The following WWP1 variants were observed in gnomAD, a reference collection of about 807,000 sequenced individuals.
WWP1 encodes the protein WW domain containing E3 ubiquitin protein ligase 1.
A neutral mutation model predicts 130.6 loss-of-function variants in WWP1; 49 were observed. The observed-to-expected ratio is 0.38, with a 90% CI of 0.30 to 0.48. WWP1 has a LOEUF of 0.48. Ranked by LOEUF, WWP1 falls within the 20% of genes least tolerant of loss-of-function variation. WWP1 has a pLI of 0.99. For missense variants in WWP1, 809 were observed against 1,100.6 expected, an observed-to-expected ratio of 0.74 and a Z score of 3.75; for synonymous variants, 332 against 367.8, an observed-to-expected ratio of 0.90 and a Z score of 1.11.
At chr8:86,443,335 A>T (rs1810694501) in intron 18 of WWP1, among the ~76,000 whole-genome samples, 1 of 152,144 alleles carries the variant, frequency 6.6e-6, no homozygotes, top group African/African-American at 2.4e-5. Flanking sequence ...CGGCCTCCCA[A>T]AGTGCTCAGA....
chr8:86,408,501 C>T (rs945847296), intron 8 of WWP1, among the ~76,000 whole-genome samples: 8 of 152,288 alleles, frequency 5.3e-5, no homozygotes, highest in Admixed American at 5.2e-4. Context: ...TTGCATCTCA[C>T]CAACATTTGC....
At chr8:86,407,125 TG>T (rs1808324122) in intron 8 of WWP1, among the ~76,000 whole-genome samples, 1 of 152,188 alleles carries the variant, frequency 6.6e-6, no homozygotes, top group African/African-American at 2.4e-5. Flanking sequence ...TTATGTCTTG[TG>T]GAGATGAGAT....
chr8:86,381,727 A>G (rs1457885829), intron 5 of WWP1, 98 bp downstream of exon 5: 3 of 1,224,506 alleles, frequency 2.4e-6, no homozygotes, highest in Non-Finnish European at 3.2e-6. Flanking sequence ...TTTTGTATCC[A>G]TAAAGAACTT....
intron 18 of WWP1, among the ~76,000 whole-genome samples, chr8:86,447,265 G>C (rs1291373987): frequency 6.6e-6 from 1 of 152,014 alleles, no homozygotes; most frequent in African/African-American, 2.4e-5. Context: ...TTTGAAGGGA[G>C]TTATTTTATT....
In WWP1 at chr8:86,418,109, A is replaced by T. The variant is rs181621505; in HGVS notation, c.1061+6235A>T. On this transcript the variant is annotated intron_variant, in intron 9 of 24. Coordinates refer to ENST00000517970, the MANE Select transcript of WWP1 (RefSeq NM_007013.4). ...TGTATATAGTTTTTCAGTTGCTTTT[A>T]AAAAAAAACTTAGTCATATTTCCAC... Among the ~76,000 whole-genome samples, 263 of 151,820 alleles carry T rather than the reference A, an allele frequency of 1.7e-3. 3 individuals are homozygous for T. Among genetic ancestry groups the T allele is most frequent in the African/African-American group, 6.1e-3 (253 of 41,382 alleles).
intron 18 of WWP1, among the ~76,000 whole-genome samples, chr8:86,444,057 G>A (rs1209278712): frequency 6.6e-6 from 1 of 152,142 alleles, no homozygotes; most frequent in Non-Finnish European, 1.5e-5. Context: ...ATAATTGGGG[G>A]CATAGGAAAA....
chr8:86,370,735 C>G (rs954286445), intron 2 of WWP1, among the ~76,000 whole-genome samples: 5 of 151,730 alleles, frequency 3.3e-5, no homozygotes, highest in African/African-American at 4.8e-5. Context: ...AATGTTAAAT[C>G]TTGGAGACAG....
chr8:86,403,741 TA>T (rs1015260129), intron 8 of WWP1, among the ~76,000 whole-genome samples: 602 of 141,970 alleles, frequency 4.2e-3, no homozygotes, highest in Non-Finnish European at 4.3e-3. Flanking sequence ...ATGCTCCCCT[TA>T]AAAAAAAAAA....
Position 86,414,217 on chromosome 8 carries a change from G to A in WWP1, c.1061+2343G>A, listed in dbSNP as rs118090391. 3.3e-3 allele frequency among the ~76,000 whole-genome samples: 389 copies of A among 116,464 alleles called. 5 individuals carry two copies. The East Asian group carries it at 0.068, about 20-fold the overall frequency. 76.4% of individuals were successfully genotyped at this position (116,464 alleles called of 152,430 possible). ...TAAGAATAAGCATTGTTTCCTGAAAGTTTGTTTTTCTGTGTGTGTGTGTGT... is the reference window on the plus strand; with the variant it reads ...TAAGAATAAGCATTGTTTCCTGAAAATTTGTTTTTCTGTGTGTGTGTGTGT... On this transcript the variant is annotated intron_variant, in intron 9 of 24. Transcript: ENST00000517970.
At chr8:86,392,300 A>G (rs1271836384) in intron 5 of WWP1, among the ~76,000 whole-genome samples, 1 of 152,254 alleles carries the variant, frequency 6.6e-6, no homozygotes, top group Non-Finnish European at 1.5e-5. Context: ...GGTGAAAACC[A>G]TAGAAATAGT....
chr8:86,353,919 C>T (rs752983180), intron 1 of WWP1, among the ~76,000 whole-genome samples: 1 of 152,146 alleles, frequency 6.6e-6, no homozygotes, highest in Non-Finnish European at 1.5e-5. Context: ...CCGAACAGAA[C>T]GTATATATTA....
At chr8:86,406,214 G>A (rs563516016) in intron 8 of WWP1, among the ~76,000 whole-genome samples, 1 of 152,122 alleles carries the variant, frequency 6.6e-6, no homozygotes, top group Non-Finnish European at 1.5e-5. Context: ...TATGAAAAGA[G>A]GATAATATGC....
At chr8:86,406,782 A>C (rs1483587512) in intron 8 of WWP1, among the ~76,000 whole-genome samples, 2 of 152,154 alleles carry the variant, frequency 1.3e-5, no homozygotes, top group Non-Finnish European at 2.9e-5. Context: ...ACCCTCTTTA[A>C]AGCTACATCC....
At chr8:86,429,115 G>A (rs60093750) in intron 11 of WWP1, among the ~76,000 whole-genome samples, 10 of 152,092 alleles carry the variant, frequency 6.6e-5, no homozygotes, top group South Asian at 2.1e-4. Context: ...CTGTTACTTC[G>A]TTTATATACT....
intron 10 of WWP1, among the ~76,000 whole-genome samples, chr8:86,425,736 C>G (rs1471846449): frequency 6.6e-6 from 1 of 152,156 alleles, no homozygotes; most frequent in African/African-American, 2.4e-5. Context: ...CTATGATCTA[C>G]AAAGATTGCC....
chr8:86,448,594 C>T, intron 20 of WWP1, 81 bp downstream of exon 20: 1 of 1,314,122 alleles, frequency 7.6e-7, no homozygotes, highest in Non-Finnish European at 1.0e-6. Flanking sequence ...AATTTCATCC[C>T]CTTTTCATGC....
intron 5 of WWP1, among the ~76,000 whole-genome samples, chr8:86,383,439 G>T (rs898491644): frequency 6.6e-6 from 1 of 152,302 alleles, no homozygotes; most frequent in African/African-American, 2.4e-5. Flanking sequence ...CTCACGAATT[G>T]TATAAGCTAA....
Position 86,398,478 on chromosome 8 carries a change from C to G in WWP1, c.471C>G (p.Thr157=), listed in dbSNP as rs1379508303. The change falls in exon 6 of 25, where the codon ACC becomes ACG. Residue 157 remains threonine (T), a splice_region_variant and synonymous_variant. Transcript: ENST00000517970. ...TAACAAACTGCAGCTCATCTCCAAC[C>G]AGTAAGCTAACTTTATATGTTTGTA... ...ENITNCSSSP[T]IEIQENGDAL... The G allele has an allele frequency of 6.2e-7, 1 of 1,611,890 alleles. No individual in the cohort carries two copies. Among genetic ancestry groups the G allele is most frequent in the East Asian group, 2.2e-5 (1 of 44,806 alleles).
At chr8:86,450,929 C>G (rs545219430) in intron 20 of WWP1, among the ~76,000 whole-genome samples, 2 of 151,900 alleles carry the variant, frequency 1.3e-5, no homozygotes, top group African/African-American at 2.4e-5. Context: ...TTAAAAGATG[C>G]ATGAGAGGCT....
Sources: allele counts gnomAD v4.1 joint callset (sites outside exome capture counted in the v4.1 genomes callset), GRCh38; gene constraint gnomAD v4.1.1; transcripts MANE v1.5; gene names NCBI Gene and HGNC (gene_info 2026-07-23, HGNC 2026-07-21).